The following IQGAP1 variants were observed in gnomAD, a reference collection of about 807,000 sequenced individuals.
IQGAP1 encodes ras GTPase-activating-like protein IQGAP1.
In IQGAP1, 66 loss-of-function variants were observed where a neutral mutation model predicts 215.6. The ratio of observed to expected loss-of-function variants is 0.31; its 90% CI spans 0.25 to 0.38. IQGAP1 has a LOEUF of 0.38. Ranked by LOEUF, IQGAP1 falls within the 10% of genes least tolerant of loss-of-function variation. The probability of loss-of-function intolerance (pLI) is 1.00; values close to 1 mark genes in which losing one functional copy is unlikely to be tolerated. For missense variants in IQGAP1, 1,712 were observed against 1,997.1 expected, an observed-to-expected ratio of 0.86 and a Z score of 2.72; for synonymous variants, 772 against 728.7, an observed-to-expected ratio of 1.06 and a Z score of -0.96.
At chr15:90,455,025 A>G (rs893822572) in intron 14 of IQGAP1, among the ~76,000 whole-genome samples, 2 of 152,196 alleles carry the variant, frequency 1.3e-5, no homozygotes, top group Admixed American at 1.3e-4. Context: ...AAAATGCTAG[A>G]CTTACGATTA....
At chr15:90,430,536 C>A (rs1489165988) in intron 4 of IQGAP1, among the ~76,000 whole-genome samples, 1 of 152,078 alleles carries the variant, frequency 6.6e-6, no homozygotes, top group Admixed American at 6.6e-5. Flanking sequence ...AAAAGGATAT[C>A]AACCCAAGTA....
At chr15:90,412,823 G>C (rs1211354603) in intron 2 of IQGAP1, among the ~76,000 whole-genome samples, 2 of 152,186 alleles carry the variant, frequency 1.3e-5, no homozygotes, top group African/African-American at 4.8e-5. Context: ...TGGTACCAGA[G>C]GAGCTGTTCC....
intron 26 of IQGAP1, among the ~76,000 whole-genome samples, chr15:90,478,984 C>A (rs767964284): frequency 2.0e-5 from 3 of 152,140 alleles, no homozygotes; most frequent in Non-Finnish European, 4.4e-5. Context: ...AAAGGGAGTT[C>A]AGAATGCCAA....
intron 13 of IQGAP1, among the ~76,000 whole-genome samples, chr15:90,453,745 C>T (rs1326508866): frequency 6.6e-6 from 1 of 152,154 alleles, no homozygotes; most frequent in Non-Finnish European, 1.5e-5. Context: ...GACCAATTGC[C>T]TATTTTATGG....
At chr15:90,459,827 T>C (rs914921587) in intron 15 of IQGAP1, among the ~76,000 whole-genome samples, 7 of 152,212 alleles carry the variant, frequency 4.6e-5, no homozygotes, top group Non-Finnish European at 1.0e-4. Flanking sequence ...GCAAAAGATC[T>C]TAATTTAAAT....
At chr15:90,450,512 T>G (rs1232870010) in intron 11 of IQGAP1, among the ~76,000 whole-genome samples, 1 of 151,962 alleles carries the variant, frequency 6.6e-6, no homozygotes, top group African/African-American at 2.4e-5. Context: ...TTTATTTTAA[T>G]TTTTTGAGGA....
rs1966322898 is a variant in IQGAP1, at chr15:90,500,091, A to C, written c.4957A>C (p.Lys1653Gln). 1 of 1,601,678 alleles carries C rather than the reference A, an allele frequency of 6.2e-7. No individual in the cohort carries two copies. Among genetic ancestry groups the C allele is most frequent in the Non-Finnish European group, 8.6e-7 (1 of 1,168,756 alleles). The change falls in exon 38 of 38, where the codon AAG becomes CAG. Residue 1653 changes from lysine to glutamine, a missense_variant. Around this residue, in one of 2 missense-constraint regions of IQGAP1, gnomAD observed 691 missense variants for 923.0 expected, o/e 0.75. Transcript: ENST00000268182. ...VNLLIFLLNKKFYGK is the reference protein window; with the variant it reads ...VNLLIFLLNKQFYGK ...CCTCCTGATCTTCCTTCTCAACAAA[A>C]AGTTCTACGGGAAGTAATTGATCGT... is the stretch of plus-strand genomic sequence containing the variant.
rs1042153223 is a variant in IQGAP1, at chr15:90,445,849, T to A, written c.913+2371T>A. ...TGACCAGCATTCTTTTTTTTTGGGT[T>A]TTTTTTTTTTTTGGAGACAGAGCCC... On this transcript the variant is annotated intron_variant, in intron 9 of 37. Transcript: ENST00000268182. 1.7e-3 allele frequency among the ~76,000 whole-genome samples: 55 copies of A among 31,712 alleles called. 1 individual carries two copies. In the African/African-American group the frequency reaches 0.018, roughly 10 times the overall value. 20.8% of individuals were successfully genotyped at this position (31,712 alleles called of 152,430 possible).
At chr15:90,392,155 A>G (rs1258258260) in intron 2 of IQGAP1, among the ~76,000 whole-genome samples, 1 of 152,182 alleles carries the variant, frequency 6.6e-6, no homozygotes, top group Non-Finnish European at 1.5e-5. Context: ...TCCTGGGGCA[A>G]ACACTAACCT....
At chr15:90,450,134 A>G (rs536438612) in intron 11 of IQGAP1, among the ~76,000 whole-genome samples, 2 of 151,890 alleles carry the variant, frequency 1.3e-5, no homozygotes, top group East Asian at 1.9e-4. Flanking sequence ...CAACCTCTCT[A>G]TGTCCTCCTC....
intron 15 of IQGAP1, among the ~76,000 whole-genome samples, chr15:90,465,572 A>T (rs1352672108): frequency 6.6e-6 from 1 of 152,112 alleles, no homozygotes; most frequent in African/African-American, 2.4e-5. Context: ...TGGTAAGAAC[A>T]TGGCTCACTG....
intron 17 of IQGAP1, 82 bp from the exon 18 acceptor site, chr15:90,467,364 GACTA>G (rs1433464121): frequency 2.6e-5 from 35 of 1,363,224 alleles, no homozygotes; most frequent in Middle Eastern, 3.7e-4. Flanking sequence ...TAGACTGTGA[GACTA>G]ACTAATAATC....
At chr15:90,419,901 A>G (rs1382854703) in intron 2 of IQGAP1, among the ~76,000 whole-genome samples, 2 of 152,190 alleles carry the variant, frequency 1.3e-5, no homozygotes, top group Non-Finnish European at 2.9e-5. Flanking sequence ...GATGAGCAAA[A>G]GACGTGAGGG....
At chr15:90,456,110 C>T in intron 14 of IQGAP1, 42 bp from the exon 15 acceptor site, 1 of 1,550,872 alleles carries the variant, frequency 6.4e-7, no homozygotes, top group Non-Finnish European at 8.8e-7. Context: ...TTATGTACTT[C>T]CTTAATTAGA....
chr15:90,448,668 G>C lies in IQGAP1; in HGVS notation c.1009G>C (p.Gly337Arg), dbSNP rs546748838. The C allele has an allele frequency of 1.2e-6, 2 of 1,611,570 alleles. No homozygotes were observed. The highest frequency in any genetic ancestry group is 2.7e-5 in the African/African-American group (2 of 74,786). The change falls in exon 10 of 38, where the codon GGA (glycine) becomes CGA (arginine). Residue 337 changes from glycine to arginine, a missense_variant. By Grantham distance (125) the Gly-to-Arg change is moderately radical (BLOSUM62 -2). This residue lies in a region of IQGAP1 where 1,021 missense variants were observed against 1,074.2 expected (regional missense o/e 0.95). Coordinates refer to ENST00000268182, the MANE Select transcript of IQGAP1 (RefSeq NM_003870.4). Reference protein sequence around the residue: ...ALQSPALGLRGLQQQNSDWYL... With the variant: ...ALQSPALGLRRLQQQNSDWYL... ...GCAGTCACCAGCCCTGGGGCTTCGA[G>C]GACTGCAGCAACAGAATAGCGACTG...
intron 2 of IQGAP1, among the ~76,000 whole-genome samples, chr15:90,417,012 T>C (rs1381264107): frequency 1.3e-5 from 2 of 152,236 alleles, no homozygotes; most frequent in Non-Finnish European, 2.9e-5. Context: ...ATGTCTTCTT[T>C]TGCAAAGTGT....
chr15:90,466,518 C>T (rs1218966004), intron 17 of IQGAP1, 82 bp downstream of exon 17: 11 of 1,364,850 alleles, frequency 8.1e-6, no homozygotes, highest in African/African-American at 1.4e-5. Flanking sequence ...AAGGGATAAG[C>T]TATAGGGAAA....
intron 2 of IQGAP1, among the ~76,000 whole-genome samples, chr15:90,393,048 T>C (rs1203926365): frequency 6.6e-6 from 1 of 151,628 alleles, no homozygotes; most frequent in Non-Finnish European, 1.5e-5. Flanking sequence ...CCTGGCCTCA[T>C]CATTTTTTTA....
At chr15:90,498,014 A>C (rs1025422852) in intron 37 of IQGAP1, among the ~76,000 whole-genome samples, 1 of 151,916 alleles carries the variant, frequency 6.6e-6, no homozygotes, top group African/African-American at 2.4e-5. Context: ...CTGTCAATGT[A>C]CATTTGGGCT....
Sources: gnomAD v4.1 joint callset for allele counts (sites outside exome capture counted in the v4.1 genomes callset) on GRCh38, gnomAD v4.1.1 for gene constraint, gnomAD v4.1.1 regional missense constraint, MANE v1.5 for transcripts, NCBI Gene and HGNC (gene_info 2026-07-23, HGNC 2026-07-21) for gene names.